Variants in SYNE2 observed in about 807,000 individuals in gnomAD.
SYNE2 encodes nesprin-2.
In SYNE2, 431 loss-of-function variants were observed where a neutral mutation model predicts 856.3. The observed-to-expected ratio is 0.50, with a 90% confidence interval of 0.47 to 0.55. SYNE2 has a LOEUF of 0.55. SYNE2 is among the 20% of genes least tolerant of loss of function. SYNE2 has a pLI of 0.00. For synonymous variants in SYNE2, 2,923 were observed against 2,872.3 expected (o/e 1.02, Z -0.56); for missense variants, 8,129 against 8,023.2 (o/e 1.01, Z -0.50).
At chr14:63,990,364 T>C in intron 19 of SYNE2, 47 bp from the exon 20 acceptor site, 2 of 1,568,098 alleles carry the variant, frequency 1.3e-6, no homozygotes, top group South Asian at 2.3e-5. Context: ...ATGTTTAGCA[T>C]ATAATCAGAA....
intron 63 of SYNE2, among the ~76,000 whole-genome samples, chr14:64,101,596 C>T (rs2097730248): frequency 6.6e-6 from 1 of 152,200 alleles, no homozygotes; most frequent in Non-Finnish European, 1.5e-5. Context: ...GTGTGAGTCA[C>T]AGTGCCTGGC....
intron 7 of SYNE2, among the ~76,000 whole-genome samples, chr14:63,951,800 A>T (rs1329679400): frequency 6.6e-6 from 1 of 152,196 alleles, no homozygotes; most frequent in Non-Finnish European, 1.5e-5. Context: ...TCATACTCAG[A>T]TTTATTTCAT....
chr14:63,991,027 C>G lies in SYNE2; in HGVS notation c.2558C>G (p.Ser853Cys), dbSNP rs763133096. The part of the protein sequence containing the change: ...DLDIRLKMEE[S>C]QKELESYMMR... Reference sequence around the variant, plus strand: ...GACATCAGGCTGAAGATGGAAGAATCCCAGAAGGAACTTGAATCATATATG... The same window carrying G: ...GACATCAGGCTGAAGATGGAAGAATGCCAGAAGGAACTTGAATCATATATG... Residue 853 changes from serine to cysteine, a missense_variant, in exon 21 of 116, where the codon TCC (serine) becomes TGC (cysteine). By Grantham distance (112) the Ser-to-Cys change is moderately radical. This residue lies in a region of SYNE2 where 2,422 missense variants were observed against 2,357.4 expected (regional missense o/e 1.03). Transcript: ENST00000555002. The G allele has an allele frequency of 1.3e-4, 208 of 1,613,936 alleles. No individual in the cohort carries two copies. Among genetic ancestry groups the G allele is most frequent in the Non-Finnish European group, 1.6e-4 (192 of 1,179,990 alleles).
intron 76 of SYNE2, among the ~76,000 whole-genome samples, chr14:64,131,898 T>C (rs973469621): frequency 4.6e-5 from 7 of 151,960 alleles, no homozygotes; most frequent in Admixed American, 2.6e-4. Flanking sequence ...TTGTTGAAGT[T>C]CCACTAGTGT....
chr14:63,764,025 A>C (rs1230094689), intron 1 of SYNE2, among the ~76,000 whole-genome samples: 2 of 152,286 alleles, frequency 1.3e-5, no homozygotes, highest in East Asian at 1.9e-4. Context: ...TGTCTTCCCA[A>C]GAAATTTTAA....
Position 64,132,338 on chromosome 14 carries a change from T to C in SYNE2, c.14414T>C (p.Leu4805Ser), listed in dbSNP as rs2153681833. 6.2e-7 allele frequency: 1 copy of C among 1,614,204 alleles called. No individual in the cohort carries two copies. Among genetic ancestry groups the C allele is most frequent in the Non-Finnish European group, 8.5e-7 (1 of 1,180,040 alleles). Residue 4805 changes from leucine (L) to serine (S), a missense_variant, in exon 77 of 116, where the codon TTG becomes TCG. By Grantham distance (145) the Leu-to-Ser change is moderately radical. This residue lies in a region of SYNE2 where 5,410 missense variants were observed against 5,284.8 expected (regional missense o/e 1.02). Transcript: ENST00000555002. ...AYSAKILPSL[L>S]QNRETFWAEQ... ...TCTGCCAAAATACTTCCTTCTTTAT[T>C]GCAAAACAGAGAGACATTTTGGGCA... is the stretch of plus-strand genomic sequence containing the variant.
Position 64,223,237 on chromosome 14 carries a change from C to T in SYNE2, c.20239C>T (p.Gln6747Ter). The change falls in exon 113 of 116, where the codon CAG becomes TAG. Residue 6747 changes from glutamine (Q) to a stop codon, truncating the protein, a stop_gained. Transcript: ENST00000555002. LOFTEE classifies it high-confidence loss of function. ...VERQPQVDMLQEISNSLLIKG... is the reference protein window; with the variant it reads ...VERQPQVDML Reference sequence around the variant, plus strand: ...ACGTCAACCTCAAGTGGACATGTTACAGGAGATTTCAAACAGCCTTCTCAT... The same window carrying T: ...ACGTCAACCTCAAGTGGACATGTTATAGGAGATTTCAAACAGCCTTCTCAT... 2 of 1,614,088 alleles carry T rather than the reference C, an allele frequency of 1.2e-6. No individual in the cohort carries two copies. The highest frequency in any genetic ancestry group is 1.7e-6 in the Non-Finnish European group (2 of 1,180,000).
chr14:64,027,035 A>G (rs370238497), intron 42 of SYNE2, among the ~76,000 whole-genome samples: 7 of 152,348 alleles, frequency 4.6e-5, no homozygotes, highest in Admixed American at 6.5e-5. Context: ...CTTAATTCAT[A>G]TCATGTCTAC....
chr14:63,962,485 CCAT>C (rs2096333202), intron 9 of SYNE2, among the ~76,000 whole-genome samples: 1 of 152,188 alleles, frequency 6.6e-6, no homozygotes, highest in Non-Finnish European at 1.5e-5. Context: ...GCAACCCTCA[CCAT>C]CATCTAATTT....
At chr14:64,150,551 GGT>G (rs4027399) in intron 84 of SYNE2, among the ~76,000 whole-genome samples, 52,678 of 149,886 alleles carry the variant, frequency 0.35, 10,108 homozygotes, top group African/African-American at 0.53. Flanking sequence ...ATTTTTGAAG[GGT>G]GTGTGTGTGT....
At chr14:63,843,977 G>A (rs754462006) in intron 1 of SYNE2, among the ~76,000 whole-genome samples, 2 of 152,000 alleles carry the variant, frequency 1.3e-5, no homozygotes, top group African/African-American at 2.4e-5. Flanking sequence ...AGCTTTCCCC[G>A]CTATCAGCAT....
In SYNE2 at chr14:63,963,016, T is replaced by G. The variant is rs75786582; in HGVS notation, c.889-883T>G. Among the ~76,000 whole-genome samples, 161 of 152,382 alleles carry G rather than the reference T, an allele frequency of 1.1e-3. 2 individuals carry two copies. The East Asian group carries it at 0.015, about 14-fold the overall frequency. On this transcript the variant is annotated intron_variant, in intron 9 of 115. Coordinates refer to ENST00000555002, the MANE Select transcript of SYNE2 (RefSeq NM_182914.3). The stretch of plus-strand genomic sequence containing the variant: ...AATTTAGCAAAATGTTCGATATTAC[T>G]TAAAAATGTATTTTAAACCACATGT...
chr14:63,801,723 G>T (rs1888138793), intron 1 of SYNE2, among the ~76,000 whole-genome samples: 1 of 151,398 alleles, frequency 6.6e-6, no homozygotes, highest in Non-Finnish European at 1.5e-5. Context: ...TAGAAGAAAA[G>T]GATAATTCTA....
intron 96 of SYNE2, among the ~76,000 whole-genome samples, chr14:64,181,951 TTC>T (rs1382476343): frequency 2.6e-5 from 4 of 152,246 alleles, no homozygotes; most frequent in Non-Finnish European, 5.9e-5. Context: ...AGTAAAATTT[TTC>T]TCTTATCAGT....
intron 1 of SYNE2, among the ~76,000 whole-genome samples, chr14:63,792,126 T>C (rs1887759754): frequency 1.3e-5 from 2 of 152,130 alleles, no homozygotes; most frequent in Admixed American, 1.3e-4. Flanking sequence ...AGTAATTACA[T>C]TAAATGTACA....
intron 8 of SYNE2, 115 bp from the exon 9 acceptor site, chr14:63,961,410 T>G (rs1184732097): frequency 2.4e-6 from 2 of 826,392 alleles, no homozygotes; most frequent in Non-Finnish European, 4.0e-6. Context: ...GTGACTACTT[T>G]GGTGCATTTC....
chr14:63,894,119 A>G (rs1250369165), intron 1 of SYNE2, among the ~76,000 whole-genome samples: 1 of 152,166 alleles, frequency 6.6e-6, no homozygotes, highest in Non-Finnish European at 1.5e-5. Flanking sequence ...CAGTTTGTAT[A>G]AGATAAGATG....
chr14:63,983,750 C>T lies in SYNE2; in HGVS notation c.2015C>T (p.Pro672Leu). The change falls in exon 18 of 116, where the codon CCA becomes CTA. Residue 672 changes from proline to leucine, a missense_variant. Pro to Leu is a moderately conservative substitution (Grantham distance 98). Around this residue, in one of 3 missense-constraint regions of SYNE2, gnomAD observed 2,422 missense variants for 2,357.4 expected, o/e 1.03. Transcript: ENST00000555002. ...TATTTTGTATAGGAAATGAACCTGC[C>T]ACTGATGATAAAAAAACAGGATCAG... ...VSKTQLEMNL[P>L]LMIKKQDQPT... 1.2e-6 allele frequency: 2 copies of T among 1,612,250 alleles called. No homozygotes were observed. The highest frequency in any genetic ancestry group is 8.5e-7 in the Non-Finnish European group (1 of 1,178,890).
intron 64 of SYNE2, among the ~76,000 whole-genome samples, chr14:64,103,160 G>A (rs999432978): frequency 3.9e-5 from 6 of 152,096 alleles, no homozygotes; most frequent in South Asian, 2.1e-4. Flanking sequence ...CACCTGCTTG[G>A]TTCTATTTCT....
Sources: gnomAD v4.1 joint callset for allele counts (sites outside exome capture counted in the v4.1 genomes callset) on GRCh38, gnomAD v4.1.1 for gene constraint, gnomAD v4.1.1 regional missense constraint, MANE v1.5 for transcripts, NCBI Gene and HGNC (gene_info 2026-07-23, HGNC 2026-07-21) for gene names.